Variants in DNAJB6 observed in about 807,000 individuals in gnomAD.
DNAJB6 encodes the protein dnaJ homolog subfamily B member 6.
A neutral mutation model predicts 42.7 loss-of-function variants in DNAJB6; 16 were observed. That is an observed-to-expected ratio of 0.37 (90% CI 0.25 to 0.57). The LOEUF is 0.57. DNAJB6 is among the 20% of genes least tolerant of loss of function. The probability of loss-of-function intolerance (pLI) is 0.74; values close to 1 mark genes in which losing one functional copy is unlikely to be tolerated. For synonymous variants in DNAJB6, 170 were observed against 163.5 expected (o/e 1.04, Z -0.30); for missense variants, 347 against 416.8 (o/e 0.83, Z 1.46).
chr7:157,341,003 C>T (rs569116774), intron 1 of DNAJB6, among the ~76,000 whole-genome samples: 4 of 141,560 alleles, frequency 2.8e-5, no homozygotes, highest in Admixed American at 1.4e-4. Flanking sequence ...TGTGTGCGCG[C>T]GCGCAGGTGG....
chr7:157,392,943 A>G (rs1215041567), intron 8 of DNAJB6, among the ~76,000 whole-genome samples: 1 of 151,886 alleles, frequency 6.6e-6, no homozygotes, highest in Non-Finnish European at 1.5e-5. Context: ...TTTTTATCTC[A>G]TCACTTTAGT....
At chr7:157,364,683 G>C (rs774404193) in intron 3 of DNAJB6, among the ~76,000 whole-genome samples, 7 of 152,158 alleles carry the variant, frequency 4.6e-5, no homozygotes, top group Non-Finnish European at 1.0e-4. Context: ...CAGGATTTTA[G>C]GGACTAGTAA....
At chr7:157,376,571 G>C (rs1449177655) in intron 5 of DNAJB6, among the ~76,000 whole-genome samples, 2 of 152,166 alleles carry the variant, frequency 1.3e-5, no homozygotes, top group African/African-American at 2.4e-5. Context: ...TCAGGGTGCA[G>C]CTTGGTTTAT....
chr7:157,371,778 A>G (rs549796294), intron 5 of DNAJB6, among the ~76,000 whole-genome samples: 1 of 152,356 alleles, frequency 6.6e-6, no homozygotes, highest in Admixed American at 6.5e-5. Context: ...CAGTGAAATG[A>G]TGTTCTGAGA....
intron 6 of DNAJB6, 33 bp from the exon 7 acceptor site, chr7:157,384,830 ATTTC>A (rs1800972506): frequency 1.3e-6 from 2 of 1,597,836 alleles, no homozygotes; most frequent in East Asian, 2.2e-5. Context: ...TAGTTGACAT[ATTTC>A]TTTAAGCATT....
intron 1 of DNAJB6, among the ~76,000 whole-genome samples, chr7:157,351,895 A>G (rs977499927): frequency 2.0e-5 from 3 of 152,176 alleles, no homozygotes; most frequent in African/African-American, 7.2e-5. Flanking sequence ...TGGGAGGCTG[A>G]GGCAGGAGAA....
At chr7:157,398,364 C>T (rs1801695855) in intron 8 of DNAJB6, among the ~76,000 whole-genome samples, 1 of 152,138 alleles carries the variant, frequency 6.6e-6, no homozygotes, top group Non-Finnish European at 1.5e-5. Context: ...CGACTAACCC[C>T]CCTCTCTCCC....
At chr7:157,354,474 T>TA (rs34290769) in intron 1 of DNAJB6, among the ~76,000 whole-genome samples, 64,864 of 151,588 alleles carry the variant, frequency 0.43, 15,582 homozygotes, top group Middle Eastern at 0.55. Context: ...ATTTTTTTTT[T>TA]AAAAAAATTA....
chr7:157,349,865 A>G (rs1051888394), intron 1 of DNAJB6, among the ~76,000 whole-genome samples: 2 of 151,042 alleles, frequency 1.3e-5, no homozygotes, highest in African/African-American at 4.9e-5. Flanking sequence ...CTGGTCTCGA[A>G]CTCCTGGCCT....
chr7:157,358,733 A>G, intron 2 of DNAJB6, 96 bp downstream of exon 2: 2 of 963,774 alleles, frequency 2.1e-6, no homozygotes, highest in Non-Finnish European at 3.3e-6. Context: ...AATGGCTTTT[A>G]ATGTAGTATA....
intron 8 of DNAJB6, among the ~76,000 whole-genome samples, chr7:157,403,813 G>A (rs900845739): frequency 4.6e-5 from 7 of 152,244 alleles, no homozygotes; most frequent in African/African-American, 7.2e-5. Context: ...GGGGCTTTAG[G>A]GGGAAGCGCA....
At chr7:157,402,580 C>T (rs907517763) in intron 8 of DNAJB6, among the ~76,000 whole-genome samples, 1 of 152,240 alleles carries the variant, frequency 6.6e-6, no homozygotes, top group Non-Finnish European at 1.5e-5. Context: ...AGACCACTCA[C>T]ACCACTTCCA....
In DNAJB6 at chr7:157,341,150, A is replaced by G. The variant is rs145037908; in HGVS notation, c.-27+4006A>G. Reference sequence around the variant, plus strand: ...TTTAGATTTTTTTGTTGTTGTTGAGATGGAATCTCATATTGCCCAGGCTGG... The same window carrying G: ...TTTAGATTTTTTTGTTGTTGTTGAGGTGGAATCTCATATTGCCCAGGCTGG... On this transcript the variant is annotated intron_variant, in intron 1 of 9. Coordinates refer to ENST00000262177, the MANE Select transcript of DNAJB6 (RefSeq NM_058246.4). Among the ~76,000 whole-genome samples the G allele has an allele frequency of 4.3e-3, 647 of 151,806 alleles. 5 individuals are homozygous for G. Among genetic ancestry groups the G allele is most frequent in the African/African-American group, 0.015 (616 of 41,384 alleles).
In DNAJB6 at chr7:157,339,568, G is replaced by A. The variant is rs186964896; in HGVS notation, c.-27+2424G>A. Among the ~76,000 whole-genome samples the A allele has an allele frequency of 4.5e-3, 688 of 151,434 alleles. 5 individuals are homozygous for A. The highest frequency in any genetic ancestry group is 0.016 in the African/African-American group (666 of 41,282). The stretch of plus-strand genomic sequence containing the variant: ...GCCTCCTCGGCCTCCCAAAGTGCTG[G>A]GATTACAGGCATGAGCCACCGCGCC... On this transcript the variant is annotated intron_variant, in intron 1 of 9. Transcript: ENST00000262177.
intron 5 of DNAJB6, chr7:157,369,019 CTTA>C (rs1799981482): frequency 2.0e-5 from 7 of 357,598 alleles, no homozygotes; most frequent in South Asian, 1.5e-4. Flanking sequence ...GTTCTTACAC[CTTA>C]TTATGGGCTG....
chr7:157,364,795 G>A lies in DNAJB6; in HGVS notation c.175+1525G>A, dbSNP rs115779277. On this transcript the variant is annotated intron_variant, in intron 3 of 9. Coordinates refer to ENST00000262177, the MANE Select transcript of DNAJB6 (RefSeq NM_058246.4). ...TTGGTTCTTTTGGGAGGTGTATGAG[G>A]TGTGTTTTTCATGTCCTTTTAGGCA... 5.3e-3 allele frequency among the ~76,000 whole-genome samples: 813 copies of A among 152,280 alleles called. 12 individuals carry two copies. Among genetic ancestry groups the A allele is most frequent in the African/African-American group, 0.018 (752 of 41,534 alleles).
intron 1 of DNAJB6, among the ~76,000 whole-genome samples, chr7:157,347,141 C>T (rs887414804): frequency 6.6e-6 from 1 of 152,230 alleles, no homozygotes; most frequent in Admixed American, 6.5e-5. Context: ...AGGCATGAGC[C>T]ACCGCGCCCG....
At chr7:157,414,186 GGAGCTCC>G (rs1465726346) in intron 9 of DNAJB6, 1 of 152,366 alleles carries the variant, frequency 6.6e-6, no homozygotes, top group African/African-American at 2.4e-5. Context: ...TTGCTTTAAA[GGAGCTCC>G]GTTACTCCCT....
chr7:157,345,863 A>G (rs1218788611), intron 1 of DNAJB6, among the ~76,000 whole-genome samples: 2 of 152,120 alleles, frequency 1.3e-5, no homozygotes, highest in African/African-American at 2.4e-5. Flanking sequence ...TCTGCTGTAG[A>G]AATTACTTCT....
Sources: gnomAD v4.1 joint callset for allele counts (sites outside exome capture counted in the v4.1 genomes callset) on GRCh38, gnomAD v4.1.1 for gene constraint, MANE v1.5 for transcripts, NCBI Gene and HGNC (gene_info 2026-07-23, HGNC 2026-07-21) for gene names.